Variants in MROH7 observed in about 807,000 individuals in gnomAD.
The protein encoded by MROH7 is maestro heat like repeat family member 7, also known as maestro heat-like repeat-containing protein family member 7.
In MROH7, 113 loss-of-function variants were observed where a neutral mutation model predicts 129.2. That is an observed-to-expected ratio of 0.87 (90% CI 0.75 to 1.02). MROH7 has a LOEUF of 1.02. MROH7 is among the 50% of genes least tolerant of loss of function. The pLI, the probability that MROH7 is intolerant of heterozygous loss-of-function variation, is 0.00. For missense variants in MROH7, 1,601 were observed against 1,671.3 expected, an observed-to-expected ratio of 0.96 and a Z score of 0.73; for synonymous variants, 655 against 667.9, an observed-to-expected ratio of 0.98 and a Z score of 0.30.
Position 54,701,272 on chromosome 1 carries a change from A to T in MROH7, c.3235A>T (p.Ser1079Cys). 3 of 1,612,352 alleles carry T rather than the reference A, an allele frequency of 1.9e-6. No homozygotes were observed. In the South Asian group the frequency reaches 3.3e-5, roughly 18 times the overall value. Residue 1079 changes from serine (S) to cysteine (C), a missense_variant, in exon 19 of 24, where the codon AGT becomes TGT. By Grantham distance (112) the Ser-to-Cys change is moderately radical. Coordinates refer to ENST00000421030, the MANE Select transcript of MROH7 (RefSeq NM_001039464.4). ...GGGGCGGGACCAGAAGCTGATGGAC[A>T]GTGCGGTCTATGTGGAGATGCTGCA... ...FKGRDQKLMD[S>C]AVYVEMLQIL...
intron 17 of MROH7, chr1:54,699,103 T>C (rs932345287): frequency 4.5e-5 from 2 of 44,802 alleles, no homozygotes; most frequent in Admixed American, 2.1e-4. Context: ...CTTTTCTTTC[T>C]TTCTTTCTTT....
In MROH7 at chr1:54,702,160, G is replaced by A. The variant is rs370697369; in HGVS notation, c.3356G>A (p.Arg1119His). The A allele has an allele frequency of 5.5e-5, 88 of 1,610,246 alleles. No individual in the cohort carries two copies. The highest frequency in any genetic ancestry group is 6.6e-5 in the Non-Finnish European group (78 of 1,178,476). The change falls in exon 20 of 24, where the codon CGC (arginine) becomes CAC (histidine). Residue 1119 changes from arginine (R) to histidine (H), a missense_variant. Coordinates refer to ENST00000421030, the MANE Select transcript of MROH7 (RefSeq NM_001039464.4). Reference protein sequence around the residue: ...GKVVQKLRAPRTQAMEEQLVS... With the variant: ...GKVVQKLRAPHTQAMEEQLVS... ...GTGGTCCAGAAGCTTCGGGCACCAC[G>A]CACTCAGGCCATGGAGGAGCAGCTG...
At chr1:54,704,534 G>T (rs1645496594) in intron 21 of MROH7, among the ~76,000 whole-genome samples, 1 of 150,000 alleles carries the variant, frequency 6.7e-6, no homozygotes, top group African/African-American at 2.5e-5. Flanking sequence ...ACCTTAGGGG[G>T]TTCAAGAGAT....
chr1:54,684,871 G>A (rs1047173439), intron 14 of MROH7, among the ~76,000 whole-genome samples: 3 of 152,216 alleles, frequency 2.0e-5, no homozygotes, highest in Admixed American at 6.5e-5. Flanking sequence ...TTCTTAAGCT[G>A]TAAAGTGCAA....
At chr1:54,684,935 A>G (rs1156459194) in intron 14 of MROH7, among the ~76,000 whole-genome samples, 1 of 152,152 alleles carries the variant, frequency 6.6e-6, no homozygotes, top group African/African-American at 2.4e-5. Context: ...CTTTTCTCCA[A>G]GGGAACATGT....
At chr1:54,678,242 A>G (rs1158711979) in intron 10 of MROH7, among the ~76,000 whole-genome samples, 1 of 152,122 alleles carries the variant, frequency 6.6e-6, no homozygotes, top group Non-Finnish European at 1.5e-5. Context: ...ATCAAAAGAC[A>G]CACTAGAATG....
intron 15 of MROH7, among the ~76,000 whole-genome samples, chr1:54,687,965 C>G (rs1645175362): frequency 6.8e-6 from 1 of 147,070 alleles, no homozygotes; most frequent in African/African-American, 2.5e-5. Context: ...ACCTCCCAGA[C>G]TCAAGCAATC....
chr1:54,664,502 T>C (rs553855), intron 3 of MROH7, among the ~76,000 whole-genome samples: 107,918 of 152,076 alleles, frequency 0.71, 39,094 homozygotes, highest in East Asian at 0.97. Context: ...GCAAAGGCCC[T>C]GAGGGGAAAT....
Position 54,695,440 on chromosome 1 carries a change from G to A in MROH7, c.2914G>A (p.Glu972Lys). ...CCTCTACCTGCTCATCCCGCTCCTG[G>A]AGCGAGGCGACGAGAAGCACAGGAT... ...RILYLLIPLL[E>K]RGDEKHRITA... is the part of the protein sequence containing the mutation. Residue 972 changes from glutamate (E) to lysine (K), a missense_variant, in exon 17 of 24, where the codon GAG (glutamate) becomes AAG (lysine). Physicochemically the swap from Glu to Lys is moderately conservative, Grantham distance 56 (BLOSUM62 1). Transcript: ENST00000421030. 6.2e-7 allele frequency: 1 copy of A among 1,613,922 alleles called. No homozygotes were observed. The highest frequency in any genetic ancestry group is 8.5e-7 in the Non-Finnish European group (1 of 1,179,930).
At chr1:54,683,760 C>T (rs749313157) in intron 14 of MROH7, among the ~76,000 whole-genome samples, 2 of 152,182 alleles carry the variant, frequency 1.3e-5, no homozygotes, top group African/African-American at 4.8e-5. Context: ...GGCCTTTGCA[C>T]ATGCTGTTTC....
Position 54,679,936 on chromosome 1 carries a change from C to T in MROH7, c.2272C>T (p.Gln758Ter). Residue 758 changes from glutamine (Q) to a stop codon, truncating the protein, a stop_gained, in exon 13 of 24, where the codon CAG (glutamine) becomes TAG (stop). Coordinates refer to ENST00000421030, the MANE Select transcript of MROH7 (RefSeq NM_001039464.4). LOFTEE classifies it high-confidence loss of function. Reference sequence around the variant, plus strand: ...CATCTACATGCAGCTGAGCCACATCCAGGAGCCTCGGGCCCGCCAGGTGGC... The same window carrying T: ...CATCTACATGCAGCTGAGCCACATCTAGGAGCCTCGGGCCCGCCAGGTGGC... The part of the protein sequence containing the change: ...QGIYMQLSHI[Q>*]EPRARQVALL... 3 of 1,613,730 alleles carry T rather than the reference C, an allele frequency of 1.9e-6. No homozygotes were observed. The highest frequency in any genetic ancestry group is 1.1e-5 in the South Asian group (1 of 91,076).
At chr1:54,677,391 T>A (rs1644998836) in intron 10 of MROH7, among the ~76,000 whole-genome samples, 1 of 152,138 alleles carries the variant, frequency 6.6e-6, no homozygotes, top group Non-Finnish European at 1.5e-5. Context: ...AGAGTGAGGC[T>A]GTGTCTCAAA....
intron 2 of MROH7, among the ~76,000 whole-genome samples, chr1:54,652,477 G>A (rs1478339736): frequency 5.9e-5 from 9 of 152,238 alleles, no homozygotes; most frequent in Non-Finnish European, 1.2e-4. Context: ...GGTATACACA[G>A]TTCTTGTCAT....
intron 13 of MROH7, 146 bp downstream of exon 13, chr1:54,680,191 A>G (rs1485873952): frequency 1.5e-6 from 1 of 674,616 alleles, no homozygotes; most frequent in Non-Finnish European, 2.6e-6. Flanking sequence ...TATGACAACC[A>G]TTAAGCACTT....
intron 4 of MROH7, among the ~76,000 whole-genome samples, chr1:54,666,478 G>A (rs898928136): frequency 2.2e-5 from 3 of 134,368 alleles, no homozygotes; most frequent in African/African-American, 8.4e-5. Context: ...TCTGTCACTC[G>A]GGCTGGAGTG....
Position 54,670,936 on chromosome 1 carries a change from C to A in MROH7, c.1599+7C>A. ...CAAGGCTGAGACCATCCAGGTGAGG[C>A]GGGACCTTCCCAGCAGGGCCTCAGG... On this transcript the variant is annotated splice_region_variant and intron_variant, in intron 7 of 23. Transcript: ENST00000421030. 1.3e-6 allele frequency: 2 copies of A among 1,593,304 alleles called. No individual in the cohort carries two copies. The highest frequency in any genetic ancestry group is 1.7e-6 in the Non-Finnish European group (2 of 1,170,476).
Position 54,690,944 on chromosome 1 carries a change from G to A in MROH7, c.2712-1480G>A, listed in dbSNP as rs78187408. Among the ~76,000 whole-genome samples the A allele has an allele frequency of 4.7e-3, 721 of 152,254 alleles. 4 individuals carry two copies. Among genetic ancestry groups the A allele is most frequent in the African/African-American group, 0.016 (685 of 41,532 alleles). On this transcript the variant is annotated intron_variant, in intron 15 of 23. Coordinates refer to ENST00000421030, the MANE Select transcript of MROH7 (RefSeq NM_001039464.4). ...AGATAGGGACACACAGGGAGGGGAG[G>A]GTGGTCCAGTCACCGGAGGAGCATA... is the stretch of plus-strand genomic sequence containing the variant.
rs151199630 is a variant in MROH7, at chr1:54,690,139, T to C, written c.2712-2285T>C. On this transcript the variant is annotated intron_variant, in intron 15 of 23. Transcript: ENST00000421030. ...AGGGTAAAACTTGCAGAGTGAGTGT[T>C]TGGGGACACAAGAGCCACCCCACCA... Among the ~76,000 whole-genome samples the C allele has an allele frequency of 8.1e-3, 1,240 of 152,280 alleles. 15 individuals carry two copies. Among genetic ancestry groups the C allele is most frequent in the African/African-American group, 0.028 (1,164 of 41,538 alleles).
intron 7 of MROH7, among the ~76,000 whole-genome samples, chr1:54,672,714 G>T (rs911812362): frequency 1.8e-4 from 27 of 152,234 alleles, no homozygotes; most frequent in African/African-American, 6.5e-4. Context: ...GAAACTTCTT[G>T]TTCTGTGATC....
Sources: gnomAD v4.1 joint callset for allele counts (sites outside exome capture counted in the v4.1 genomes callset) on GRCh38, gnomAD v4.1.1 for gene constraint, MANE v1.5 for transcripts, NCBI Gene and HGNC (gene_info 2026-07-23, HGNC 2026-07-21) for gene names.